DPYD: variants seen among roughly 807,000 people sequenced by gnomAD.
The protein encoded by DPYD is dihydropyrimidine dehydrogenase, also known as dihydropyrimidine dehydrogenase [NADP(+)].
In DPYD, 109 loss-of-function variants were observed where a neutral mutation model predicts 116.2. The ratio of observed to expected loss-of-function variants is 0.94; its 90% CI spans 0.80 to 1.10. The LOEUF (loss-of-function observed/expected upper bound fraction) is 1.10, where lower values mean the gene tolerates loss of function less well. Ranked by LOEUF, DPYD falls within the 50% of genes least tolerant of loss-of-function variation. DPYD has a pLI of 0.00. For missense variants in DPYD, 1,302 were observed against 1,254.5 expected (o/e 1.04, Z -0.57); for synonymous variants, 440 against 432.0 (o/e 1.02, Z -0.23).
chr1:97,148,254 G>C (rs936708097), intron 20 of DPYD, among the ~76,000 whole-genome samples: 1 of 77,182 alleles, frequency 1.3e-5, no homozygotes, highest in Non-Finnish European at 2.3e-5. Context: ...GTGTGTGTGT[G>C]GGGGGGGTGT....
At chr1:97,679,458 C>T (rs540782848) in intron 7 of DPYD, among the ~76,000 whole-genome samples, 4 of 152,212 alleles carry the variant, frequency 2.6e-5, no homozygotes, top group African/African-American at 7.2e-5. Context: ...ATGTTCAAAG[C>T]ACGATGTGGG....
chr1:97,244,833 T>C (rs1174681572), intron 18 of DPYD, among the ~76,000 whole-genome samples: 1 of 152,074 alleles, frequency 6.6e-6, no homozygotes, highest in Non-Finnish European at 1.5e-5. Context: ...CAAATGGTTT[T>C]ACATCGCAGC....
At chr1:97,194,937 C>G (rs1658643627) in intron 19 of DPYD, among the ~76,000 whole-genome samples, 1 of 151,988 alleles carries the variant, frequency 6.6e-6, no homozygotes, top group South Asian at 2.1e-4. Flanking sequence ...TAAAAAAACC[C>G]TGGGGATTCT....
intron 10 of DPYD, among the ~76,000 whole-genome samples, chr1:97,592,949 T>C (rs549486652): frequency 6.6e-6 from 1 of 152,276 alleles, no homozygotes; most frequent in South Asian, 2.1e-4. Context: ...TTGTTACTAG[T>C]TACATAGAAT....
At chr1:97,430,946 T>A (rs949256899) in intron 14 of DPYD, among the ~76,000 whole-genome samples, 4 of 151,534 alleles carry the variant, frequency 2.6e-5, no homozygotes, top group Admixed American at 2.6e-4. Flanking sequence ...AAAAAAAAAA[T>A]AACAGATAGC....
chr1:97,870,556 C>A (rs78834950), intron 2 of DPYD, among the ~76,000 whole-genome samples: 40 of 151,690 alleles, frequency 2.6e-4, no homozygotes, highest in Non-Finnish European at 4.4e-4. Flanking sequence ...CAAAGTAGTA[C>A]ATGCAATATT....
chr1:97,871,782 T>A (rs913187213), intron 2 of DPYD, among the ~76,000 whole-genome samples: 4 of 151,836 alleles, frequency 2.6e-5, no homozygotes, highest in African/African-American at 4.8e-5. Context: ...TGCTCAGTAC[T>A]TCTCCATGGT....
intron 8 of DPYD, among the ~76,000 whole-genome samples, chr1:97,677,660 T>C (rs939727281): frequency 4.6e-5 from 7 of 152,140 alleles, no homozygotes; most frequent in Non-Finnish European, 1.0e-4. Flanking sequence ...TACAGACAGA[T>C]ACTAATGACA....
chr1:97,710,250 T>C (rs1662208335), intron 5 of DPYD, among the ~76,000 whole-genome samples: 1 of 151,862 alleles, frequency 6.6e-6, no homozygotes, highest in Non-Finnish European at 1.5e-5. Context: ...AATTGCTATT[T>C]GTGCATCCAA....
Position 97,744,298 on chromosome 1 carries a change from C to T in DPYD, c.234-3819G>A, listed in dbSNP as rs180995421. Among the ~76,000 whole-genome samples the T allele has an allele frequency of 3.1e-4, 47 of 152,034 alleles. No individual in the cohort carries two copies. The East Asian group carries it at 6.4e-3, about 21-fold the overall frequency. ...ATATTATAGTGAGTAATGAAACAAG[C>T]GGCATTTCATTCTTCACACATCTGA... On this transcript the variant is annotated intron_variant, in intron 3 of 22. Coordinates refer to ENST00000370192, the MANE Select transcript of DPYD (RefSeq NM_000110.4).
chr1:97,753,811 A>G (rs1040849643), intron 3 of DPYD, among the ~76,000 whole-genome samples: 2 of 152,224 alleles, frequency 1.3e-5, no homozygotes, highest in Admixed American at 1.3e-4. Flanking sequence ...TATGAGGCAT[A>G]ATAGATACAA....
intron 11 of DPYD, among the ~76,000 whole-genome samples, chr1:97,556,194 G>A (rs1651691422): frequency 6.6e-6 from 1 of 152,098 alleles, no homozygotes; most frequent in African/African-American, 2.4e-5. Flanking sequence ...TGATTTCTCA[G>A]CAAAATTCAA....
chr1:97,226,108 C>T (rs1661136357), intron 19 of DPYD, among the ~76,000 whole-genome samples: 2 of 152,128 alleles, frequency 1.3e-5, no homozygotes, highest in East Asian at 3.9e-4. Context: ...ATAAATATAA[C>T]AACACATTAA....
At chr1:97,424,320 G>A (rs1482719469) in intron 14 of DPYD, among the ~76,000 whole-genome samples, 1 of 152,032 alleles carries the variant, frequency 6.6e-6, no homozygotes, top group Non-Finnish European at 1.5e-5. Context: ...TAACCATAAT[G>A]CTGCAGGATG....
intron 20 of DPYD, among the ~76,000 whole-genome samples, chr1:97,159,874 T>G (rs1033739238): frequency 5.3e-5 from 8 of 152,142 alleles, no homozygotes; most frequent in East Asian, 1.9e-4. Context: ...TCAGTTACTA[T>G]GCCGCTAAAT....
At chr1:97,296,124 G>A (rs952084191) in intron 18 of DPYD, 1 of 151,952 alleles carries the variant, frequency 6.6e-6, no homozygotes, top group Non-Finnish European at 1.5e-5. Context: ...CATATACATA[G>A]AATATAAAAA....
At chr1:97,298,817 C>T (rs1666693491) in intron 18 of DPYD, among the ~76,000 whole-genome samples, 2 of 152,030 alleles carry the variant, frequency 1.3e-5, no homozygotes, top group Non-Finnish European at 2.9e-5. Flanking sequence ...CTTAGGGAGT[C>T]GAGTGATTGA....
At chr1:97,575,836 C>T (rs973964211) in intron 10 of DPYD, among the ~76,000 whole-genome samples, 14 of 152,190 alleles carry the variant, frequency 9.2e-5, no homozygotes, top group African/African-American at 3.1e-4. Context: ...AAAACAACTC[C>T]AAAATGTAAA....
intron 1 of DPYD, among the ~76,000 whole-genome samples, chr1:97,895,294 A>C (rs1391340550): frequency 6.6e-6 from 1 of 151,782 alleles, no homozygotes; most frequent in Non-Finnish European, 1.5e-5. Context: ...ATTTTAGTTC[A>C]AAAGAGGCTA....
Sources: gnomAD v4.1 joint callset for allele counts (sites outside exome capture counted in the v4.1 genomes callset) on GRCh38, gnomAD v4.1.1 for gene constraint, MANE v1.5 for transcripts, NCBI Gene and HGNC (gene_info 2026-07-23, HGNC 2026-07-21) for gene names.